Variants in STOML3 observed in about 807,000 individuals in gnomAD.
STOML3 encodes the protein stomatin-like protein 3.
STOML3 carries 31 observed loss-of-function variants against 29.5 expected under a neutral mutation model. That is an observed-to-expected ratio of 1.05 (90% confidence interval 0.79 to 1.42). The LOEUF (loss-of-function observed/expected upper bound fraction) is 1.42. STOML3 is among the 40% of genes most tolerant of loss of function. The pLI is 0.00. For synonymous variants in STOML3, 122 were observed against 139.8 expected (o/e 0.87, Z 0.90); for missense variants, 380 against 363.0 (o/e 1.05, Z -0.38).
intron 6 of STOML3, 34 bp downstream of exon 6, chr13:38,968,366 T>A: frequency 6.2e-7 from 1 of 1,609,272 alleles, no homozygotes; most frequent in Non-Finnish European, 8.5e-7. Flanking sequence ...CACTAGGCAG[T>A]TCTCCCTCCA....
intron 1 of STOML3, among the ~76,000 whole-genome samples, chr13:38,981,955 T>C (rs1881280545): frequency 6.6e-6 from 1 of 152,218 alleles, no homozygotes; most frequent in Admixed American, 6.5e-5. Flanking sequence ...GAAAAATATG[T>C]TCAACAATGT....
At chr13:38,971,611 T>C (rs1880869689) in intron 4 of STOML3, among the ~76,000 whole-genome samples, 1 of 152,186 alleles carries the variant, frequency 6.6e-6, no homozygotes, top group Admixed American at 6.5e-5. Flanking sequence ...TATTTACTTG[T>C]AGTACTTCAA....
intron 3 of STOML3, among the ~76,000 whole-genome samples, chr13:38,973,280 C>T (rs1429521233): frequency 6.9e-6 from 1 of 144,912 alleles, no homozygotes; most frequent in Admixed American, 6.8e-5. Context: ...AAAACTCTGT[C>T]AAAAAAAAAA....
chr13:38,974,614 T>C (rs1881003465), intron 3 of STOML3, among the ~76,000 whole-genome samples: 1 of 152,226 alleles, frequency 6.6e-6, no homozygotes, highest in Non-Finnish European at 1.5e-5. Context: ...GAAGTGTCAG[T>C]TATTATTCAA....
In STOML3 at chr13:38,976,686, GGT is replaced by G; in HGVS notation, c.156+6_156+7del. 1 of 1,613,774 alleles carries G rather than the reference GGT, an allele frequency of 6.2e-7. No homozygotes were observed. Among genetic ancestry groups the G allele is most frequent in the Non-Finnish European group, 8.5e-7 (1 of 1,179,824 alleles). ...ATAGATAGCCCAGTTTATTTCCCAG[GGT>G]GTTACCTTCAAGCACATCCATATGG... On this transcript the variant is annotated splice_donor_region_variant and intron_variant, in intron 2 of 6. Transcript: ENST00000379631.
intron 1 of STOML3, among the ~76,000 whole-genome samples, chr13:38,985,253 T>C (rs1258685079): frequency 1.3e-5 from 2 of 152,128 alleles, no homozygotes; most frequent in East Asian, 3.9e-4. Flanking sequence ...GTGAAACCCA[T>C]CTCTACTAAC....
intron 4 of STOML3, 66 bp from the exon 5 acceptor site, chr13:38,970,454 C>T (rs1880822217): frequency 1.4e-6 from 2 of 1,384,498 alleles, no homozygotes; most frequent in Non-Finnish European, 2.0e-6. Context: ...AAAGTGACAG[C>T]CAGCCCAAGA....
chr13:38,975,462 C>A (rs553619028), intron 3 of STOML3, among the ~76,000 whole-genome samples: 3 of 152,128 alleles, frequency 2.0e-5, no homozygotes, highest in African/African-American at 7.2e-5. Flanking sequence ...CATAGAGCAT[C>A]GTGGTGCTCA....
intron 3 of STOML3, among the ~76,000 whole-genome samples, chr13:38,973,189 G>A (rs915999932): frequency 1.3e-5 from 2 of 149,876 alleles, no homozygotes; most frequent in Non-Finnish European, 2.9e-5. Flanking sequence ...GGCTGAAGCA[G>A]AAGAATTGCT....
chr13:38,969,809 AT>A (rs1241789541), intron 5 of STOML3, among the ~76,000 whole-genome samples: 1 of 152,180 alleles, frequency 6.6e-6, no homozygotes, highest in Non-Finnish European at 1.5e-5. Flanking sequence ...TTCACACTTT[AT>A]TTAAATATAT....
chr13:38,968,025 T>C (rs1880721488), intron 6 of STOML3, among the ~76,000 whole-genome samples: 2 of 152,112 alleles, frequency 1.3e-5, no homozygotes, highest in South Asian at 2.1e-4. Flanking sequence ...TTTATGAAAA[T>C]AGAGGTTTCT....
At chr13:38,979,638 G>A (rs575860389) in intron 1 of STOML3, among the ~76,000 whole-genome samples, 199 of 152,002 alleles carry the variant, frequency 1.3e-3, no homozygotes, top group African/African-American at 3.5e-3. Flanking sequence ...TTATTGTTGC[G>A]TACTATGCCA....
chr13:38,990,635 A>G (rs1027445459), intron 1 of STOML3, 35 bp downstream of exon 1: 1 of 1,611,306 alleles, frequency 6.2e-7, no homozygotes, highest in Non-Finnish European at 8.5e-7. Context: ...CCATATATGT[A>G]AAAAACAAGC....
At chr13:38,980,162 G>T in intron 1 of STOML3, 2 of 1,540,274 alleles carry the variant, frequency 1.3e-6, no homozygotes, top group South Asian at 2.4e-5. Context: ...AAGAGAATGT[G>T]ACTATTCTTC....
chr13:38,974,674 G>T (rs1881004381), intron 3 of STOML3, among the ~76,000 whole-genome samples: 1 of 152,042 alleles, frequency 6.6e-6, no homozygotes, highest in African/African-American at 2.4e-5. Flanking sequence ...TAGCAATTTG[G>T]CTTGTTTCCC....
intron 6 of STOML3, among the ~76,000 whole-genome samples, chr13:38,968,085 A>G (rs1421155924): frequency 6.6e-6 from 1 of 152,036 alleles, no homozygotes. Flanking sequence ...AGGCTTGGAA[A>G]TTGGTATTTT....
At chr13:38,982,924 C>A (rs1881317274) in intron 1 of STOML3, among the ~76,000 whole-genome samples, 1 of 152,078 alleles carries the variant, frequency 6.6e-6, no homozygotes, top group Non-Finnish European at 1.5e-5. Flanking sequence ...ATCTTTGTCA[C>A]CTTATATAAA....
At position 38,968,395 on chromosome 13, in the gene STOML3, C is replaced by A; in HGVS notation, c.651+5G>T. The A allele has an allele frequency of 6.2e-7, 1 of 1,614,120 alleles. No homozygotes were observed. The highest frequency in any genetic ancestry group is 1.1e-5 in the South Asian group (1 of 91,086). ...CCCTCCATGTGTGAACTGCACAACA[C>A]TTACCTTGGCTCTCGCTTCCCGGGT... On this transcript the variant is annotated splice_donor_5th_base_variant and intron_variant, in intron 6 of 6. Coordinates refer to ENST00000379631, the MANE Select transcript of STOML3 (RefSeq NM_145286.3).
At chr13:38,980,928 C>T (rs145190384) in intron 1 of STOML3, among the ~76,000 whole-genome samples, 118 of 152,280 alleles carry the variant, frequency 7.7e-4, no homozygotes, top group African/African-American at 2.6e-3. Flanking sequence ...AGGAAGTCTG[C>T]AGCTGGTGAA....
Sources: allele counts gnomAD v4.1 joint callset (sites outside exome capture counted in the v4.1 genomes callset), GRCh38; gene constraint gnomAD v4.1.1; transcripts MANE v1.5; gene names NCBI Gene and HGNC (gene_info 2026-07-23, HGNC 2026-07-21).